Variants in GNG7 observed in about 807,000 individuals in gnomAD.
The protein encoded by GNG7 is G protein subunit gamma 7.
GNG7 carries 1 observed loss-of-function variant against 4.0 expected under a neutral mutation model. The observed-to-expected ratio is 0.25, with a 90% confidence interval of 0.09 to 1.18. The LOEUF is 1.18. Among genes scored for constraint, GNG7 ranks in the 50% most tolerant of loss-of-function variants. The probability of loss-of-function intolerance (pLI) is 0.50; values close to 1 mark genes in which losing one functional copy is unlikely to be tolerated. For missense variants in GNG7, 86 were observed against 91.9 expected (o/e 0.94, Z 0.26); for synonymous variants, 34 against 36.9 (o/e 0.92, Z 0.29).
At chr19:2,624,954 A>G (rs1408083452) in intron 2 of GNG7, among the ~76,000 whole-genome samples, 1 of 152,132 alleles carries the variant, frequency 6.6e-6, no homozygotes, top group Non-Finnish European at 1.5e-5. Context: ...CCTGGCTGTC[A>G]CCTTTCCTTG....
chr19:2,533,973 T>C (rs745793208), intron 3 of GNG7, among the ~76,000 whole-genome samples: 37 of 152,246 alleles, frequency 2.4e-4, no homozygotes, highest in Non-Finnish European at 4.4e-4. Context: ...AGATGTTCTA[T>C]GCTTCTGCCT....
rs368654880 is a variant in GNG7 at position 2,568,191 on chromosome 19, A to G, written c.-77-13003T>C. On this transcript the variant is annotated intron_variant, in intron 2 of 4. Transcript: ENST00000382159. The stretch of plus-strand genomic sequence containing the variant: ...TACACACACATACACACATGCACAT[A>G]CACACACATATAGACATACACATAC... Among the ~76,000 whole-genome samples the G allele has an allele frequency of 7.3e-5, 11 of 150,576 alleles. No homozygotes were observed. In the South Asian group the frequency reaches 1.5e-3, roughly 20 times the overall value.
intron 2 of GNG7, among the ~76,000 whole-genome samples, chr19:2,595,710 G>C (rs1315058051): frequency 1.3e-5 from 2 of 149,918 alleles, no homozygotes; most frequent in Non-Finnish European, 2.9e-5. Context: ...ACTCCAGCCT[G>C]GGCAACAGAG....
At chr19:2,661,686 A>G (rs57826313) in intron 1 of GNG7, among the ~76,000 whole-genome samples, 1 of 129,428 alleles carries the variant, frequency 7.7e-6, no homozygotes, top group African/African-American at 2.8e-5. Context: ...AAAAAAAAAA[A>G]AAAAAGGAAG....
At chr19:2,600,444 G>A (rs2144811393) in intron 2 of GNG7, among the ~76,000 whole-genome samples, 1 of 151,048 alleles carries the variant, frequency 6.6e-6, no homozygotes, top group African/African-American at 2.4e-5. Context: ...AGACTGGGAG[G>A]AAGGAGACCC....
chr19:2,543,972 G>T (rs13345850), intron 3 of GNG7, among the ~76,000 whole-genome samples: 17,733 of 152,044 alleles, frequency 0.12, 1,872 homozygotes, highest in African/African-American at 0.29. Context: ...CCTCCTGGGG[G>T]TCTGGCAATC....
chr19:2,657,348 AAAAAAAAAAAAAAATATATATATATATAT>A (rs754594173), intron 1 of GNG7, among the ~76,000 whole-genome samples: 14,527 of 41,088 alleles, frequency 0.35, 2,616 homozygotes, highest in East Asian at 0.52. Context: ...AAAAAAAAAA[AAAAAAAAAAAAAAATATATATATATATAT>A]ATATATATAT....
chr19:2,549,380 C>T (rs533488557), intron 3 of GNG7, among the ~76,000 whole-genome samples: 8 of 151,730 alleles, frequency 5.3e-5, no homozygotes, highest in Non-Finnish European at 1.5e-5. Flanking sequence ...CAAACTCCAC[C>T]CCCTGGGTTC....
chr19:2,668,972 C>T (rs943243614), intron 1 of GNG7, among the ~76,000 whole-genome samples: 3 of 152,136 alleles, frequency 2.0e-5, no homozygotes, highest in Admixed American at 1.3e-4. Flanking sequence ...TGAGAAACCA[C>T]GGTCCCACAA....
At chr19:2,692,559 C>T (rs1358256308) in intron 1 of GNG7, among the ~76,000 whole-genome samples, 15 of 149,322 alleles carry the variant, frequency 1.0e-4, no homozygotes, top group Non-Finnish European at 4.4e-5. Flanking sequence ...GGCGTGAACC[C>T]GGGAGGTGGA....
At chr19:2,629,620 T>G (rs1016273857) in intron 2 of GNG7, among the ~76,000 whole-genome samples, 1 of 152,064 alleles carries the variant, frequency 6.6e-6, no homozygotes, top group African/African-American at 2.4e-5. Flanking sequence ...ACTCACAGAC[T>G]AGTGGGAGAA....
intron 1 of GNG7, among the ~76,000 whole-genome samples, chr19:2,663,644 T>C (rs78460957): frequency 0.016 from 2,431 of 152,272 alleles, 63 homozygotes; most frequent in African/African-American, 0.055. Context: ...AACCTGATAA[T>C]TGGGAGAGAT....
rs1301067522 is a variant in GNG7, at chr19:2,546,123, C to T, written c.-38+9026G>A. Among the ~76,000 whole-genome samples, 1 of 152,226 alleles carries T rather than the reference C, an allele frequency of 6.6e-6. No individual in the cohort carries two copies. The highest frequency in any genetic ancestry group is 1.5e-5 in the Non-Finnish European group (1 of 68,034). ...CCCCCACGGCCTGCCATGTTCTCACCAGGACGCCAAAGAGGGGACCCACGC... is the reference window on the plus strand; with the variant it reads ...CCCCCACGGCCTGCCATGTTCTCACTAGGACGCCAAAGAGGGGACCCACGC... On this transcript the variant is annotated intron_variant, in intron 3 of 4. Transcript: ENST00000382159. The surrounding 1 kb of genome is among the most constrained non-coding windows in gnomAD (Gnocchi z 6.3).
intron 2 of GNG7, among the ~76,000 whole-genome samples, chr19:2,575,982 GACACACACAT>G: frequency 7.0e-6 from 1 of 143,816 alleles, no homozygotes; most frequent in African/African-American, 2.6e-5. Context: ...CATGCAGGCA[GACACACACAT>G]GCTCACACTC....
At chr19:2,698,137 G>A (rs1913314107) in intron 1 of GNG7, among the ~76,000 whole-genome samples, 1 of 146,688 alleles carries the variant, frequency 6.8e-6, no homozygotes, top group African/African-American at 2.5e-5. Context: ...TGTGGTGGTG[G>A]GTGCCTGTAG....
intron 1 of GNG7, among the ~76,000 whole-genome samples, chr19:2,699,195 C>T (rs957684033): frequency 2.3e-4 from 33 of 146,328 alleles, no homozygotes; most frequent in African/African-American, 8.2e-4. Context: ...GTGGCCCAGG[C>T]TGGAGTGCAG....
chr19:2,529,379 G>A (rs563647015), intron 3 of GNG7, among the ~76,000 whole-genome samples: 60 of 152,210 alleles, frequency 3.9e-4, no homozygotes, highest in African/African-American at 1.4e-3. Context: ...CACCACGCCC[G>A]GCTAATTTTT....
chr19:2,683,831 C>G (rs12461580), intron 1 of GNG7: 29,092 of 152,262 alleles, frequency 0.19, 3,913 homozygotes, highest in East Asian at 0.6. Context: ...CAGGGACGGG[C>G]TTGCTGCCGG....
At chr19:2,697,815 T>C (rs537605863) in intron 1 of GNG7, among the ~76,000 whole-genome samples, 2 of 148,104 alleles carry the variant, frequency 1.4e-5, no homozygotes, top group African/African-American at 5.0e-5. Flanking sequence ...CTACTAAAAA[T>C]ACAAAAATTA....
Sources: gnomAD v4.1 joint callset for allele counts (sites outside exome capture counted in the v4.1 genomes callset) on GRCh38, gnomAD v4.1.1 for gene constraint, Gnocchi (gnomAD v3.1) non-coding constraint, MANE v1.5 for transcripts, NCBI Gene and HGNC (gene_info 2026-07-23, HGNC 2026-07-21) for gene names.